ZNF276: variants seen among roughly 807,000 people sequenced by gnomAD.
ZNF276 encodes the protein zinc finger protein 276.
ZNF276 carries 59 observed loss-of-function variants against 63.9 expected under a neutral mutation model. The ratio of observed to expected loss-of-function variants is 0.92; its 90% CI spans 0.75 to 1.15. The LOEUF is 1.15. ZNF276 is among the 50% of genes most tolerant of loss of function. The pLI is 0.00. For synonymous variants in ZNF276, 496 were observed against 348.4 expected (o/e 1.42, Z -4.72); for missense variants, 1,084 against 843.8 (o/e 1.28, Z -3.53).
chr16:89,736,570 C>T lies in ZNF276; in HGVS notation c.1475-1236C>T, dbSNP rs201008618. ...GGTCTTGAACTGACTTCATGATCCGCCTGCCTTGGCCTTCCAAAGTGCTGG... is the reference window on the plus strand; with the variant it reads ...GGTCTTGAACTGACTTCATGATCCGTCTGCCTTGGCCTTCCAAAGTGCTGG... On this transcript the variant is annotated intron_variant, in intron 9 of 10. Coordinates refer to ENST00000443381, the MANE Select transcript of ZNF276 (RefSeq NM_001113525.2). Among the ~76,000 whole-genome samples, 3 of 52,110 alleles carry T rather than the reference C, an allele frequency of 5.8e-5. No individual in the cohort carries two copies. The South Asian group carries it at 2.5e-3, about 43-fold the overall frequency. 34.2% of individuals were successfully genotyped at this position (52,110 alleles called of 152,430 possible).
chr16:89,721,720 T>G lies in ZNF276; in HGVS notation c.80T>G (p.Val27Gly). 1 of 1,358,878 alleles carries G rather than the reference T, an allele frequency of 7.4e-7. No homozygotes were observed. Among genetic ancestry groups the G allele is most frequent in the Middle Eastern group, 2.5e-4 (1 of 3,992 alleles). 84.2% of individuals were successfully genotyped at this position (1,358,878 alleles called of 1,614,324 possible). Residue 27 changes from valine to glycine, a missense_variant, in exon 1 of 11, where the codon GTC (valine) becomes GGC (glycine). Coordinates refer to ENST00000443381, the MANE Select transcript of ZNF276 (RefSeq NM_001113525.2). The part of the protein sequence containing the change: ...QCGASDGGGG[V>G]SRTRGRPSLS... ...GGGGCCTCGGACGGCGGCGGCGGCGTCAGCCGGACTCGGGGCCGCCCTTCC... is the reference window on the plus strand; with the variant it reads ...GGGGCCTCGGACGGCGGCGGCGGCGGCAGCCGGACTCGGGGCCGCCCTTCC...
Position 89,727,312 on chromosome 16 carries a change from C to T in ZNF276, c.1040C>T (p.Thr347Ile), listed in dbSNP as rs758781381. ...GGTGAGAAGCAGCTTCCATCTTCAA[C>T]CTCGGATGATCGGGTAAAAGACGAG... ...QLGEKQLPSS[T>I]SDDRVKDEFS... is the part of the protein sequence containing the mutation. The change falls in exon 5 of 11, where the codon ACC becomes ATC. Residue 347 changes from threonine (T) to isoleucine (I), a missense_variant. Transcript: ENST00000443381. 2 of 1,614,136 alleles carry T rather than the reference C, an allele frequency of 1.2e-6. No individual in the cohort carries two copies. The highest frequency in any genetic ancestry group is 1.7e-6 in the Non-Finnish European group (2 of 1,180,034).
intron 4 of ZNF276, among the ~76,000 whole-genome samples, chr16:89,723,993 G>A (rs1038804906): frequency 6.6e-6 from 1 of 152,254 alleles, no homozygotes; most frequent in Admixed American, 6.5e-5. Flanking sequence ...CTAAGCCTGT[G>A]CTTGGGGCTG....
rs192188499 is a variant in ZNF276, at chr16:89,740,092, G to T, written c.*1846G>T. ...AACGTGGAAAGCCTTTGGCAGGTCT[G>T]TGGTGCTCTGTAAACCGCAGGAGAC... On this transcript the variant is annotated 3_prime_UTR_variant, in exon 11 of 11. Coordinates refer to ENST00000443381, the MANE Select transcript of ZNF276 (RefSeq NM_001113525.2). 5 of 1,614,140 alleles carry T rather than the reference G, an allele frequency of 3.1e-6. No homozygotes were observed. The East Asian group carries it at 1.1e-4, about 36-fold the overall frequency.
Position 89,722,766 on chromosome 16 carries a change from C to G in ZNF276, c.441C>G (p.His147Gln). The G allele has an allele frequency of 6.2e-7, 1 of 1,610,502 alleles. No individual in the cohort carries two copies. Among genetic ancestry groups the G allele is most frequent in the Non-Finnish European group, 8.5e-7 (1 of 1,180,020 alleles). The change falls in exon 2 of 11, where the codon CAC (histidine) becomes CAG (glutamine). Residue 147 changes from histidine to glutamine, a missense_variant. Physicochemically the swap from His to Gln is conservative, Grantham distance 24. Coordinates refer to ENST00000443381, the MANE Select transcript of ZNF276 (RefSeq NM_001113525.2). ...KSCHAQFYQC[H>Q]SLLKSFLQRV... ...GCCACGCCCAGTTCTACCAGTGCCA[C>G]AGCCTTCTCAAGTCCTTCCTGCAGA...
rs1567581680 is a variant in ZNF276 at position 89,733,984 on chromosome 16, A to G, written c.1420A>G (p.Lys474Glu). The G allele has an allele frequency of 6.2e-7, 1 of 1,614,026 alleles. No individual in the cohort carries two copies. Among genetic ancestry groups the G allele is most frequent in the Non-Finnish European group, 8.5e-7 (1 of 1,180,014 alleles). ...GCCCTGCCCCCACCCTGGCTGCAACAAGGTTTTCATGATCGACCGCTACCT... is the reference window on the plus strand; with the variant it reads ...GCCCTGCCCCCACCCTGGCTGCAACGAGGTTTTCATGATCGACCGCTACCT... ...ERPCPHPGCN[K>E]VFMIDRYLQR... The change falls in exon 9 of 11, where the codon AAG (lysine) becomes GAG (glutamate). Residue 474 changes from lysine (K) to glutamate (E), a missense_variant. By Grantham distance (56) the Lys-to-Glu change is moderately conservative. Transcript: ENST00000443381.
intron 9 of ZNF276, among the ~76,000 whole-genome samples, chr16:89,735,899 G>T (rs11355220): frequency 0.4 from 31,633 of 79,956 alleles, 3,905 homozygotes; most frequent in East Asian, 0.57. Flanking sequence ...TTGTTTGTTT[G>T]TTTGTTTTTT....
upstream of ZNF276, chr16:89,720,927 G>A (rs1320205651): frequency 1.8e-5 from 22 of 1,244,292 alleles, no homozygotes; most frequent in Non-Finnish European, 2.0e-5. Flanking sequence ...GGCCCGGAAC[G>A]CAGCCGGCGC....
chr16:89,738,700 A>G lies in ZNF276; in HGVS notation c.*454A>G, dbSNP rs764113707. On this transcript the variant is annotated 3_prime_UTR_variant, in exon 11 of 11. Coordinates refer to ENST00000443381, the MANE Select transcript of ZNF276 (RefSeq NM_001113525.2). The stretch of plus-strand genomic sequence containing the variant: ...CCTCTGGGTCGCAGTCCCCACGATC[A>G]GCCAGCAGCTGTGAGAGAGGAGCAG... 1 of 1,613,912 alleles carries G rather than the reference A, an allele frequency of 6.2e-7. No homozygotes were observed. The highest frequency in any genetic ancestry group is 1.7e-5 in the Admixed American group (1 of 60,014).
intron 6 of ZNF276, among the ~76,000 whole-genome samples, chr16:89,730,162 G>A (rs773960427): frequency 1.3e-5 from 2 of 152,316 alleles, no homozygotes; most frequent in Non-Finnish European, 1.5e-5. Flanking sequence ...GAGGAGGCCC[G>A]GAGAGAGATG....
intron 9 of ZNF276, among the ~76,000 whole-genome samples, chr16:89,737,224 CCTTT>C (rs1363598046): frequency 6.6e-6 from 1 of 152,116 alleles, no homozygotes; most frequent in South Asian, 2.1e-4. Flanking sequence ...GATACGGCTT[CCTTT>C]AAGAATTTGT....
Position 89,740,914 on chromosome 16 carries a change from TGTC to T in ZNF276, c.*2669_*2671del. On this transcript the variant is annotated 3_prime_UTR_variant, in exon 11 of 11. Transcript: ENST00000443381. ...ATTATTACATTAAAATTACCTGTGCTGTCATTCTAAATAAGGCTGACACATTCC... is the reference window on the plus strand; with the variant it reads ...ATTATTACATTAAAATTACCTGTGCTATTCTAAATAAGGCTGACACATTCC... 6.6e-7 allele frequency: 1 copy of T among 1,511,688 alleles called. No homozygotes were observed. The highest frequency in any genetic ancestry group is 9.1e-7 in the Non-Finnish European group (1 of 1,100,912). The allele number at this position is 1,511,688 out of a possible 1,614,324, so 93.6% of individuals were successfully genotyped here.
Position 89,733,432 on chromosome 16 carries a change from G to C in ZNF276, c.1280+20G>C, listed in dbSNP as rs1428740176. On this transcript the variant is annotated intron_variant, in intron 7 of 10. Transcript: ENST00000443381. Reference sequence around the variant, plus strand: ...TGAGAGGTGATGCCTGCAACGCGAGGCTCGCCCTGCCTGTCGGGGCCGGGG... The same window carrying C: ...TGAGAGGTGATGCCTGCAACGCGAGCCTCGCCCTGCCTGTCGGGGCCGGGG... 6.2e-7 allele frequency: 1 copy of C among 1,614,136 alleles called. No individual in the cohort carries two copies. Among genetic ancestry groups the C allele is most frequent in the East Asian group, 2.2e-5 (1 of 44,880 alleles).
upstream of ZNF276, chr16:89,721,192 C>G (rs915496543): frequency 4.2e-6 from 1 of 236,102 alleles, no homozygotes; most frequent in Non-Finnish European, 8.1e-6. Flanking sequence ...CCCCGGCCCC[C>G]CTCCCCTTTC....
At chr16:89,733,638 A>C in intron 8 of ZNF276, 81 bp downstream of exon 8, 1 of 1,524,566 alleles carries the variant, frequency 6.6e-7, no homozygotes, top group Non-Finnish European at 9.1e-7. Flanking sequence ...TCTGCAGCCT[A>C]ACTCAGACTT....
chr16:89,722,944 G>A (rs1328377706), intron 2 of ZNF276, 110 bp downstream of exon 2: 31 of 1,555,800 alleles, frequency 2.0e-5, no homozygotes, highest in Non-Finnish European at 2.7e-5. Context: ...TGGGGGGAAT[G>A]GGCCATGCCC....
At chr16:89,721,503 C>CGCCT, upstream of ZNF276, 1 of 887,692 alleles carries the variant, frequency 1.1e-6, no homozygotes, top group Non-Finnish European at 1.6e-6. Context: ...CCGCCCCGCC[C>CGCCT]GCCTCGCTTT....
intron 9 of ZNF276, among the ~76,000 whole-genome samples, chr16:89,734,347 A>G (rs1251023030): frequency 6.6e-6 from 1 of 151,624 alleles, no homozygotes. Flanking sequence ...TTTTTTTGAG[A>G]CGGAGTCCTG....
chr16:89,739,995 ACT>A lies in ZNF276; in HGVS notation c.*1754_*1755del, dbSNP rs1403231932. On this transcript the variant is annotated 3_prime_UTR_variant, in exon 11 of 11. Coordinates refer to ENST00000443381, the MANE Select transcript of ZNF276 (RefSeq NM_001113525.2). ...GTGCCTCAGCAGCGTGTTTCTTACC[ACT>A]CTCTGTCAACTGAAAGAGTGCCAGC... 2 of 1,613,768 alleles carry A rather than the reference ACT, an allele frequency of 1.2e-6. No homozygotes were observed. The highest frequency in any genetic ancestry group is 1.7e-5 in the Admixed American group (1 of 59,970).
Sources: allele counts gnomAD v4.1 joint callset (sites outside exome capture counted in the v4.1 genomes callset), GRCh38; gene constraint gnomAD v4.1.1; transcripts MANE v1.5; gene names NCBI Gene and HGNC (gene_info 2026-07-23, HGNC 2026-07-21).